Variants in TTC28 observed in about 807,000 individuals in gnomAD.
TTC28 encodes tetratricopeptide repeat protein 28.
In TTC28, 61 loss-of-function variants were observed where a neutral mutation model predicts 198.0. The observed-to-expected ratio is 0.31, with a 90% CI of 0.25 to 0.38. The LOEUF is 0.38. Ranked by LOEUF, TTC28 falls within the 10% of genes least tolerant of loss-of-function variation. The probability of loss-of-function intolerance (pLI) is 1.00; values close to 1 mark genes in which losing one functional copy is unlikely to be tolerated. For synonymous variants in TTC28, 1,171 were observed against 1,297.8 expected, an observed-to-expected ratio of 0.90 and a Z score of 2.10; for missense variants, 2,678 against 3,164.0, an observed-to-expected ratio of 0.85 and a Z score of 3.69.
At chr22:28,132,573 C>T (rs546101316) in intron 6 of TTC28, among the ~76,000 whole-genome samples, 1 of 152,268 alleles carries the variant, frequency 6.6e-6, no homozygotes, top group South Asian at 2.1e-4. Flanking sequence ...TTCCAACATT[C>T]CATGGTTCTA....
intron 21 of TTC28, among the ~76,000 whole-genome samples, chr22:27,986,787 G>A (rs1278096086): frequency 2.0e-5 from 3 of 152,134 alleles, no homozygotes. Context: ...TAGGAATTAG[G>A]TTCACTAGAG....
intron 6 of TTC28, among the ~76,000 whole-genome samples, chr22:28,130,052 A>G (rs1471880200): frequency 6.6e-6 from 1 of 152,154 alleles, no homozygotes. Flanking sequence ...CATATTACCT[A>G]TTTTGTTTAA....
intron 5 of TTC28, among the ~76,000 whole-genome samples, chr22:28,240,588 G>A (rs907337628): frequency 6.6e-6 from 1 of 151,980 alleles, no homozygotes; most frequent in Non-Finnish European, 1.5e-5. Context: ...TTAGTCTCCA[G>A]AGAGGACCCC....
At chr22:28,532,012 G>C (rs533513314) in intron 2 of TTC28, among the ~76,000 whole-genome samples, 1 of 152,266 alleles carries the variant, frequency 6.6e-6, no homozygotes, top group Admixed American at 6.5e-5. Flanking sequence ...TGAGAAGCAA[G>C]AGCAAACACG....
chr22:28,146,814 T>G (rs1476521495), intron 6 of TTC28, among the ~76,000 whole-genome samples: 1 of 152,192 alleles, frequency 6.6e-6, no homozygotes, highest in African/African-American at 2.4e-5. Context: ...ATTACTTTTT[T>G]TTTTTTTCTT....
intron 12 of TTC28, among the ~76,000 whole-genome samples, chr22:28,080,566 G>T (rs1941311125): frequency 6.8e-6 from 1 of 146,866 alleles, no homozygotes; most frequent in Admixed American, 6.8e-5. Flanking sequence ...TTAAGTTGTA[G>T]GAGTTTTTAT....
intron 1 of TTC28, among the ~76,000 whole-genome samples, chr22:28,632,101 C>A (rs1192603200): frequency 2.0e-5 from 3 of 151,790 alleles, no homozygotes; most frequent in Non-Finnish European, 4.4e-5. Context: ...AGAAAAAATT[C>A]CCCAAAGAAA....
chr22:28,175,122 G>C (rs1425348132), intron 5 of TTC28, among the ~76,000 whole-genome samples: 1 of 150,794 alleles, frequency 6.6e-6, no homozygotes, highest in Non-Finnish European at 1.5e-5. Context: ...ATTCTAAATA[G>C]AATAAGGACT....
At chr22:28,223,287 G>C (rs1034813049) in intron 5 of TTC28, among the ~76,000 whole-genome samples, 1 of 152,186 alleles carries the variant, frequency 6.6e-6, no homozygotes, top group Non-Finnish European at 1.5e-5. Flanking sequence ...AATTTATACA[G>C]TAGCATAAGA....
intron 2 of TTC28, among the ~76,000 whole-genome samples, chr22:28,597,853 G>T (rs745536127): frequency 6.6e-6 from 1 of 152,004 alleles, no homozygotes; most frequent in African/African-American, 2.4e-5. Flanking sequence ...GTGCAATGGC[G>T]CAATCATACC....
intron 12 of TTC28, among the ~76,000 whole-genome samples, chr22:28,093,678 T>C (rs1569134914): frequency 1.3e-5 from 2 of 152,194 alleles, no homozygotes; most frequent in Non-Finnish European, 2.9e-5. Flanking sequence ...ATCCTGTCAC[T>C]GGTACTAAAT....
intron 2 of TTC28, among the ~76,000 whole-genome samples, chr22:28,529,660 G>A (rs916852456): frequency 2.0e-5 from 3 of 152,168 alleles, no homozygotes; most frequent in African/African-American, 7.2e-5. Context: ...TCCCAGTAGG[G>A]GCCAACTGAC....
chr22:28,377,270 A>AC, intron 2 of TTC28, among the ~76,000 whole-genome samples: 1 of 151,624 alleles, frequency 6.6e-6, no homozygotes, highest in East Asian at 1.9e-4. Flanking sequence ...AAAAAAAAAA[A>AC]ACCTTGTAAT....
intron 2 of TTC28, among the ~76,000 whole-genome samples, chr22:28,568,870 G>T (rs181997110): frequency 1.3e-5 from 2 of 152,228 alleles, no homozygotes; most frequent in East Asian, 3.9e-4. Context: ...ACATGGGCCA[G>T]GCACGGTGAC....
chr22:28,604,877 T>A (rs531759289), intron 2 of TTC28, among the ~76,000 whole-genome samples: 1 of 152,340 alleles, frequency 6.6e-6, no homozygotes, highest in South Asian at 2.1e-4. Flanking sequence ...CTATCTACAT[T>A]TTAATCAATG....
rs1259327162 is a variant in TTC28, at chr22:28,005,186, G to GT, written c.4219-3634dup. ...GGGCTGTGACCCTGACTGTGGCAATGTGAGTCCAGGCAGCAAATGATGCTT... is the reference window on the plus strand; with the variant it reads ...GGGCTGTGACCCTGACTGTGGCAATGTTGAGTCCAGGCAGCAAATGATGCTT... On this transcript the variant is annotated intron_variant, in intron 14 of 22. Transcript: ENST00000397906. This position sits in a 1 kb window ranked among gnomAD's most constrained non-coding sequence, Gnocchi z 4.9. Among the ~76,000 whole-genome samples, 1 of 152,226 alleles carries GT rather than the reference G, an allele frequency of 6.6e-6. No homozygotes were observed. The highest frequency in any genetic ancestry group is 1.9e-4 in the East Asian group (1 of 5,202).
chr22:28,550,589 A>G (rs1477798317), intron 2 of TTC28, among the ~76,000 whole-genome samples: 1 of 152,158 alleles, frequency 6.6e-6, no homozygotes, highest in African/African-American at 2.4e-5. Context: ...AATATAAAAA[A>G]TTATCTCCAA....
At chr22:28,246,933 T>C (rs150205345) in intron 5 of TTC28, among the ~76,000 whole-genome samples, 1 of 151,810 alleles carries the variant, frequency 6.6e-6, no homozygotes, top group African/African-American at 2.4e-5. Context: ...AACACCTGGT[T>C]AGGAAAAAAA....
chr22:28,167,575 G>T (rs1377355726), intron 5 of TTC28, among the ~76,000 whole-genome samples: 2 of 152,150 alleles, frequency 1.3e-5, no homozygotes, highest in Non-Finnish European at 2.9e-5. Flanking sequence ...AAAACCACAT[G>T]ATTATCTCAA....
Sources: allele counts gnomAD v4.1 joint callset (sites outside exome capture counted in the v4.1 genomes callset), GRCh38; gene constraint gnomAD v4.1.1; non-coding constraint Gnocchi (gnomAD v3.1); transcripts MANE v1.5; gene names NCBI Gene and HGNC (gene_info 2026-07-23, HGNC 2026-07-21).